PTK2: variants seen among roughly 807,000 people sequenced by gnomAD.
PTK2 encodes the protein protein tyrosine kinase 2, also known as focal adhesion kinase 1.
PTK2 carries 45 observed loss-of-function variants against 150.1 expected under a neutral mutation model. The ratio of observed to expected loss-of-function variants is 0.30; its 90% CI spans 0.24 to 0.38. The LOEUF (loss-of-function observed/expected upper bound fraction) is 0.38. Ranked by LOEUF, PTK2 falls within the 10% of genes least tolerant of loss-of-function variation. The probability of loss-of-function intolerance (pLI) is 1.00; values close to 1 mark genes in which losing one functional copy is unlikely to be tolerated. For synonymous variants in PTK2, 432 were observed against 449.2 expected, an observed-to-expected ratio of 0.96 and a Z score of 0.48; for missense variants, 919 against 1,307.3, an observed-to-expected ratio of 0.70 and a Z score of 4.58.
chr8:140,767,525 G>A (rs1358200403), intron 14 of PTK2, among the ~76,000 whole-genome samples: 1 of 151,844 alleles, frequency 6.6e-6, no homozygotes, highest in Non-Finnish European at 1.5e-5. Flanking sequence ...TTGCTCTGTC[G>A]CCTAGGGTGG....
chr8:140,671,886 C>T lies in PTK2; in HGVS notation c.2709+2412G>A, dbSNP rs112837193. 2.6e-3 allele frequency among the ~76,000 whole-genome samples: 373 copies of T among 143,616 alleles called. 7 individuals carry two copies. The highest frequency in any genetic ancestry group is 9.1e-3 in the African/African-American group (349 of 38,268). The allele number at this position is 143,616 out of a possible 152,430, so 94.2% of individuals were successfully genotyped here. On this transcript the variant is annotated intron_variant, in intron 29 of 31. Transcript: ENST00000522684. ...GGCGGAGCTTGCAGTGAGCCAAGAT[C>T]GCACCACTGCACTCCAGCCTGGGCA...
chr8:140,659,830 C>G, intron 31 of PTK2, 152 bp from the exon 36 acceptor site: 1 of 674,128 alleles, frequency 1.5e-6, no homozygotes, highest in Non-Finnish European at 2.5e-6. Flanking sequence ...GCTGGGAACA[C>G]AGGCACATGC....
At chr8:140,694,063 T>C (rs1476338775) in intron 26 of PTK2, among the ~76,000 whole-genome samples, 3 of 147,914 alleles carry the variant, frequency 2.0e-5, no homozygotes, top group Admixed American at 6.7e-5. Flanking sequence ...TTTTTTGAGA[T>C]GGAGTCTCGC....
At position 140,783,056 on chromosome 8, in the gene PTK2, T is replaced by C. The variant is rs567347683; in HGVS notation, c.1177+6418A>G. On this transcript the variant is annotated intron_variant, in intron 14 of 31. Coordinates refer to ENST00000522684, the Ensembl canonical transcript of PTK2. Reference sequence around the variant, plus strand: ...GAGTTTGAGACCAGCCTGGGCAACATAGGGAGACCCCGTCTCTACAAAAAA... The same window carrying C: ...GAGTTTGAGACCAGCCTGGGCAACACAGGGAGACCCCGTCTCTACAAAAAA... Among the ~76,000 whole-genome samples, 7 of 151,996 alleles carry C rather than the reference T, an allele frequency of 4.6e-5. No individual in the cohort carries two copies. The East Asian group carries it at 7.8e-4, about 17-fold the overall frequency.
At chr8:140,800,684 G>A (rs1338522442) in intron 11 of PTK2, 108 bp from the exon 12 acceptor site, 27 of 789,062 alleles carry the variant, frequency 3.4e-5, no homozygotes, top group Non-Finnish European at 5.1e-5. Flanking sequence ...ACAGAGAAGA[G>A]TGGGAATGAA....
chr8:140,679,046 A>T (rs2100015619), intron 27 of PTK2, among the ~76,000 whole-genome samples: 1 of 77,356 alleles, frequency 1.3e-5, no homozygotes. Context: ...TTTTTTTGAG[A>T]CGGACTCTTG....
At chr8:140,923,300 G>A (rs1481159837) in intron 2 of PTK2, among the ~76,000 whole-genome samples, 2 of 152,130 alleles carry the variant, frequency 1.3e-5, no homozygotes, top group Admixed American at 6.6e-5. Flanking sequence ...GAGGATACAG[G>A]TGATACTGCT....
At chr8:140,968,213 C>G (rs531574686) in intron 1 of PTK2, among the ~76,000 whole-genome samples, 2 of 152,204 alleles carry the variant, frequency 1.3e-5, no homozygotes, top group East Asian at 1.9e-4. Context: ...CCAATATTAA[C>G]AGTAATAACT....
chr8:140,701,161 G>A, intron 25 of PTK2, 139 bp from the exon 29 acceptor site: 2 of 977,840 alleles, frequency 2.0e-6, no homozygotes, highest in Non-Finnish European at 2.8e-6. Context: ...GTGCTTGTGG[G>A]AATAACTTTT....
intron 1 of PTK2, among the ~76,000 whole-genome samples, chr8:141,000,323 T>C (rs1390115713): frequency 6.6e-6 from 1 of 152,158 alleles, no homozygotes; most frequent in Non-Finnish European, 1.5e-5. Flanking sequence ...CACGGGGCTC[T>C]ACCAAACTTG....
intron 4 of PTK2, among the ~76,000 whole-genome samples, chr8:140,869,468 T>C (rs1309562125): frequency 6.6e-6 from 1 of 152,184 alleles, no homozygotes. Flanking sequence ...TCAGGGAGAC[T>C]GTGACTGATC....
At chr8:140,729,254 A>C (rs1209913696) in intron 22 of PTK2, among the ~76,000 whole-genome samples, 1 of 152,184 alleles carries the variant, frequency 6.6e-6, no homozygotes, top group Non-Finnish European at 1.5e-5. Context: ...AAAATCAAAA[A>C]CAAAAACTCC....
chr8:140,679,920 A>G (rs1400355626), intron 27 of PTK2, among the ~76,000 whole-genome samples: 3 of 152,218 alleles, frequency 2.0e-5, no homozygotes, highest in Admixed American at 6.5e-5. Context: ...GGAAAGCACA[A>G]AAGGGAAAAA....
At chr8:140,848,285 T>A (rs140555217) in intron 5 of PTK2, among the ~76,000 whole-genome samples, 6 of 152,354 alleles carry the variant, frequency 3.9e-5, no homozygotes, top group Non-Finnish European at 7.3e-5. Context: ...ACTAAAAAAG[T>A]ATGAACATTT....
intron 29 of PTK2, 47 bp from the exon 33 acceptor site, chr8:140,669,782 G>T: frequency 6.6e-7 from 1 of 1,508,540 alleles, no homozygotes; most frequent in Non-Finnish European, 8.9e-7. Context: ...ATTTATCAGA[G>T]AAAGGGAAAA....
chr8:140,715,166 T>TG (rs2100038957), intron 23 of PTK2, among the ~76,000 whole-genome samples: 1 of 96,452 alleles, frequency 1.0e-5, no homozygotes, highest in East Asian at 3.1e-4. Context: ...TTTTTTTTTT[T>TG]TTTTTTTTTT....
At chr8:140,679,075 A>C (rs1346341467) in intron 27 of PTK2, among the ~76,000 whole-genome samples, 13 of 116,722 alleles carry the variant, frequency 1.1e-4, no homozygotes, top group Non-Finnish European at 1.6e-5. Flanking sequence ...CCCAGGCTGG[A>C]GTGCAGTGGT....
chr8:140,746,025 A>C (rs1270993313), intron 18 of PTK2, among the ~76,000 whole-genome samples: 1 of 151,898 alleles, frequency 6.6e-6, no homozygotes, highest in African/African-American at 2.4e-5. Context: ...AAAAAAGAAA[A>C]AAGAAACTGT....
intron 1 of PTK2, among the ~76,000 whole-genome samples, chr8:140,960,911 C>T (rs756571565): frequency 1.3e-5 from 2 of 152,084 alleles, no homozygotes; most frequent in Admixed American, 6.5e-5. Flanking sequence ...ACCTGGGAGG[C>T]GGAGGTTGCA....
Sources: allele counts gnomAD v4.1 joint callset (sites outside exome capture counted in the v4.1 genomes callset), GRCh38; gene constraint gnomAD v4.1.1; transcripts MANE v1.5; gene names NCBI Gene and HGNC (gene_info 2026-07-23, HGNC 2026-07-21).